Variants in REDIC1 observed in about 807,000 individuals in gnomAD.
The protein encoded by REDIC1 is HEI10 Interacting Protein 1.
the REDIC1 span, among the ~76,000 whole-genome samples, chr12:39,739,209 T>G: frequency 2.0e-5 from 3 of 152,136 alleles, no homozygotes; most frequent in Non-Finnish European, 4.4e-5. Context: ...AACTACAACT[T>G]TTGCTCTTCC....
At chr12:39,752,377 T>C in the REDIC1 span, among the ~76,000 whole-genome samples, 1 of 152,058 alleles carries the variant, frequency 6.6e-6, no homozygotes, top group South Asian at 2.1e-4. Context: ...TATCTGGTGA[T>C]CTGGGGCGGA....
chr12:39,648,030 ACT>A, the REDIC1 span: 154 of 1,201,528 alleles, frequency 1.3e-4, no homozygotes, highest in Middle Eastern at 2.7e-3. Flanking sequence ...TTTTCATGAA[ACT>A]CTTTTTTTCT....
chr12:39,790,125 TTC>T, the REDIC1 span, among the ~76,000 whole-genome samples: 44 of 46,088 alleles, frequency 9.5e-4, no homozygotes, highest in African/African-American at 2.4e-3. Context: ...TTCTTTTGTG[TTC>T]TTTTTTTTTT....
the REDIC1 span, among the ~76,000 whole-genome samples, chr12:39,825,000 G>A: frequency 5.7e-3 from 868 of 152,282 alleles, 5 homozygotes; most frequent in Middle Eastern, 0.02. Context: ...GGAGAGTGGT[G>A]AAATGCTGGG....
chr12:39,884,739 C>T, the REDIC1 span, among the ~76,000 whole-genome samples: 2 of 152,236 alleles, frequency 1.3e-5, no homozygotes, highest in African/African-American at 4.8e-5. Context: ...ATGAAGGCAG[C>T]GATGAGCTCC....
chr12:39,861,789 A>C, the REDIC1 span, among the ~76,000 whole-genome samples: 1 of 152,228 alleles, frequency 6.6e-6, no homozygotes, highest in Non-Finnish European at 1.5e-5. Flanking sequence ...CAGGTGGCCA[A>C]ACATTTTCTA....
the REDIC1 span, among the ~76,000 whole-genome samples, chr12:39,904,158 G>T: frequency 6.6e-6 from 1 of 152,236 alleles, no homozygotes; most frequent in African/African-American, 2.4e-5. Context: ...TACACAGGAT[G>T]CACTTCTTTC....
At chr12:39,703,037 C>A in the REDIC1 span, among the ~76,000 whole-genome samples, 1 of 152,094 alleles carries the variant, frequency 6.6e-6, no homozygotes, top group South Asian at 2.1e-4. Flanking sequence ...ACAGGGATGC[C>A]CTCTCTCACC....
chr12:39,713,474 GTATACATT>G, the REDIC1 span, among the ~76,000 whole-genome samples: 3 of 149,386 alleles, frequency 2.0e-5, no homozygotes, highest in South Asian at 2.1e-4. Flanking sequence ...ATATATACAT[GTATACATT>G]TATACATTTG....
the REDIC1 span, among the ~76,000 whole-genome samples, chr12:39,828,407 A>G: frequency 6.6e-6 from 1 of 152,102 alleles, no homozygotes; most frequent in African/African-American, 2.4e-5. Flanking sequence ...GATGGTATAA[A>G]AATACAAATA....
the REDIC1 span, among the ~76,000 whole-genome samples, chr12:39,708,532 T>C: frequency 1.3e-5 from 2 of 151,890 alleles, no homozygotes; most frequent in Non-Finnish European, 2.9e-5. Flanking sequence ...TACCATATTT[T>C]CTTCTAGTAC....
At chr12:39,658,087 C>T in the REDIC1 span, among the ~76,000 whole-genome samples, 1 of 147,568 alleles carries the variant, frequency 6.8e-6, no homozygotes, top group Non-Finnish European at 1.5e-5. Context: ...CATCAAAATA[C>T]TTTTTTTTTT....
chr12:39,899,102 A>G, the REDIC1 span, among the ~76,000 whole-genome samples: 3 of 152,014 alleles, frequency 2.0e-5, no homozygotes, highest in Non-Finnish European at 4.4e-5. Flanking sequence ...CTGTGAATCC[A>G]TCTGGTCCTG....
the REDIC1 span, among the ~76,000 whole-genome samples, chr12:39,793,007 CAA>C: frequency 6.6e-6 from 1 of 152,080 alleles, no homozygotes; most frequent in Non-Finnish European, 1.5e-5. Context: ...GACTGGTTAA[CAA>C]AATCTTTCAC....
chr12:39,830,798 T>C, the REDIC1 span, among the ~76,000 whole-genome samples: 1 of 152,194 alleles, frequency 6.6e-6, no homozygotes, highest in African/African-American at 2.4e-5. Context: ...GTGAAATCTG[T>C]GCTTTCAGCA....
chr12:39,633,768 C>A, the REDIC1 span, among the ~76,000 whole-genome samples: 1 of 152,182 alleles, frequency 6.6e-6, no homozygotes, highest in Non-Finnish European at 1.5e-5. Context: ...TATAAGTGGT[C>A]TGTCCTTGAC....
At chr12:39,777,305 T>C in the REDIC1 span, among the ~76,000 whole-genome samples, 1 of 152,154 alleles carries the variant, frequency 6.6e-6, no homozygotes, top group Non-Finnish European at 1.5e-5. Context: ...GATAAGTTCA[T>C]TTGTATGTTT....
At chr12:39,874,714 A>G in the REDIC1 span, among the ~76,000 whole-genome samples, 2 of 152,070 alleles carry the variant, frequency 1.3e-5, no homozygotes, top group East Asian at 1.9e-4. Flanking sequence ...GTAATGCTCT[A>G]TGTTTGGACT....
chr12:39,693,454 T>A, the REDIC1 span, among the ~76,000 whole-genome samples: 1 of 151,834 alleles, frequency 6.6e-6, no homozygotes, highest in African/African-American at 2.4e-5. Context: ...CTCATTCCAG[T>A]CCATTTTTAA....
Sources: allele counts gnomAD v4.1 joint callset (sites outside exome capture counted in the v4.1 genomes callset), GRCh38; gene constraint gnomAD v4.1.1; transcripts MANE v1.5; gene names NCBI Gene and HGNC (gene_info 2026-07-23, HGNC 2026-07-21).